The following CD160 variants were observed in gnomAD, a reference collection of about 807,000 sequenced individuals.
CD160 encodes the protein CD160 antigen.
A neutral mutation model predicts 19.2 loss-of-function variants in CD160; 11 were observed. The ratio of observed to expected loss-of-function variants is 0.57; its 90% CI spans 0.36 to 0.95. CD160 has a LOEUF of 0.95. Among genes scored for constraint, CD160 ranks in the 40% least tolerant of loss-of-function variants. The pLI, the probability that CD160 is intolerant of heterozygous loss-of-function variation, is 0.01. For missense variants in CD160, 182 were observed against 213.2 expected (o/e 0.85, Z 0.91); for synonymous variants, 75 against 81.1 (o/e 0.93, Z 0.40).
At chr1:145,730,520 A>G (rs1657245243) in intron 3 of CD160, among the ~76,000 whole-genome samples, 1 of 152,112 alleles carries the variant, frequency 6.6e-6, no homozygotes. Flanking sequence ...TAGTCCCTTA[A>G]TTTTCATTTT....
chr1:145,729,693 T>C (rs1553708851), intron 3 of CD160, among the ~76,000 whole-genome samples: 2 of 152,172 alleles, frequency 1.3e-5, no homozygotes, highest in Admixed American at 1.3e-4. Flanking sequence ...AGGTTACAGA[T>C]TACTTACAGG....
intron 3 of CD160, among the ~76,000 whole-genome samples, chr1:145,729,446 G>T (rs1487405267): frequency 6.6e-6 from 1 of 152,178 alleles, no homozygotes; most frequent in East Asian, 1.9e-4. Flanking sequence ...AACCGAGGTT[G>T]GGGTTTTGCG....
intron 5 of CD160, 47 bp downstream of exon 5, chr1:145,736,181 T>C: frequency 6.2e-7 from 1 of 1,613,436 alleles, no homozygotes; most frequent in South Asian, 1.1e-5. Context: ...AGGGTGCTAT[T>C]ATATTTCTGC....
In CD160 at chr1:145,738,710, C is replaced by A; in HGVS notation, c.*217C>A. ...CATCAGGGCAAACTTGCCTTCTTCC[C>A]TCCTAAGCTCCAGTAAATAAACAGA... On this transcript the variant is annotated 3_prime_UTR_variant, in exon 6 of 6. Transcript: ENST00000369288. 1 of 375,346 alleles carries A rather than the reference C, an allele frequency of 2.7e-6. No homozygotes were observed. 23.3% of individuals were successfully genotyped at this position (375,346 alleles called of 1,614,324 possible). A position where few individuals can be genotyped will look rare whatever the true frequency, so the allele number is the denominator to read the frequency against.
rs892687035 is a variant in CD160, at chr1:145,738,834, A to G, written c.*341A>G. On this transcript the variant is annotated 3_prime_UTR_variant, in exon 6 of 6. Coordinates refer to ENST00000369288, the MANE Select transcript of CD160 (RefSeq NM_007053.4). The stretch of plus-strand genomic sequence containing the variant: ...ACTTTTCCTCCCTCTTCATCAACAT[A>G]GTAAAATAAGTCAAACAAAATGAGA... 2 of 187,176 alleles carry G rather than the reference A, an allele frequency of 1.1e-5. No individual in the cohort carries two copies. The highest frequency in any genetic ancestry group is 4.7e-5 in the African/African-American group (2 of 42,954). 11.6% of individuals were successfully genotyped at this position (187,176 alleles called of 1,614,324 possible).
chr1:145,719,951 G>A (rs763123578), intron 1 of CD160, among the ~76,000 whole-genome samples: 1 of 152,212 alleles, frequency 6.6e-6, no homozygotes, highest in Admixed American at 6.5e-5. Context: ...GGTGGTTCAC[G>A]TCATGGACCT....
chr1:145,720,871 A>G (rs1351446168), intron 1 of CD160, among the ~76,000 whole-genome samples: 1 of 152,236 alleles, frequency 6.6e-6, no homozygotes, highest in East Asian at 1.9e-4. Context: ...ACAAGACTCC[A>G]GGACCGCCTC....
chr1:145,721,356 G>C (rs587676722), intron 1 of CD160, among the ~76,000 whole-genome samples: 1 of 152,240 alleles, frequency 6.6e-6, no homozygotes, highest in East Asian at 1.9e-4. Flanking sequence ...CGAAATCAGC[G>C]CCGCCGGCTC....
Position 145,728,168 on chromosome 1 carries a change from T to G in CD160, c.-72-88T>G, listed in dbSNP as rs1657127053. On this transcript the variant is annotated intron_variant, in intron 2 of 5. Transcript: ENST00000369288. ...AAGCCCTCCTCTACCTCCATCATAC[T>G]CTAGCCAATCAAAGCTAGAGCCTGG... 26 of 617,774 alleles carry G rather than the reference T, an allele frequency of 4.2e-5. No homozygotes were observed. The South Asian group carries it at 4.7e-4, about 11-fold the overall frequency. The allele number at this position is 617,774 out of a possible 1,614,324, so 38.3% of individuals were successfully genotyped here. A position where few individuals can be genotyped will look rare whatever the true frequency, so the allele number is the denominator to read the frequency against.
At chr1:145,730,707 A>G (rs1657251925) in intron 3 of CD160, 37 bp from the exon 4 acceptor site, 1 of 1,556,048 alleles carries the variant, frequency 6.4e-7, no homozygotes, top group African/African-American at 1.4e-5. Context: ...ACAGAATGCT[A>G]CCTGACCTCT....
intron 3 of CD160, among the ~76,000 whole-genome samples, chr1:145,729,628 C>T (rs1256874406): frequency 6.6e-6 from 1 of 152,126 alleles, no homozygotes; most frequent in Non-Finnish European, 1.5e-5. Context: ...TCAGAGACAC[C>T]CATCGAGCCA....
chr1:145,722,699 C>T (rs1178990933), intron 1 of CD160, among the ~76,000 whole-genome samples: 3 of 152,202 alleles, frequency 2.0e-5, no homozygotes, highest in Non-Finnish European at 4.4e-5. Context: ...TCACGCCATT[C>T]TCCTGCCTCA....
In CD160 at chr1:145,728,268, A is replaced by G. The variant is rs1435854053; in HGVS notation, c.-60A>G. 3.8e-6 allele frequency: 5 copies of G among 1,308,314 alleles called. No individual in the cohort carries two copies. Among genetic ancestry groups the G allele is most frequent in the African/African-American group, 1.4e-5 (1 of 69,176 alleles). 81.0% of individuals were successfully genotyped at this position (1,308,314 alleles called of 1,614,324 possible). A position where few individuals can be genotyped will look rare whatever the true frequency, so the allele number is the denominator to read the frequency against. Reference sequence around the variant, plus strand: ...CCTGTGCTTTTAGGAGACTGAAGCCAAGGATACCAGCAGAGCCAACATTTG... The same window carrying G: ...CCTGTGCTTTTAGGAGACTGAAGCCGAGGATACCAGCAGAGCCAACATTTG... On this transcript the variant is annotated 5_prime_UTR_variant, in exon 3 of 6. Coordinates refer to ENST00000369288, the MANE Select transcript of CD160 (RefSeq NM_007053.4).
intron 4 of CD160, among the ~76,000 whole-genome samples, chr1:145,732,626 C>T (rs1393006332): frequency 6.6e-6 from 1 of 152,010 alleles, no homozygotes. Context: ...ATGGAATCGA[C>T]ATATCATCTT....
chr1:145,725,013 C>T (rs1299256262), intron 2 of CD160, 107 bp downstream of exon 2: 2 of 152,072 alleles, frequency 1.3e-5, no homozygotes, highest in East Asian at 1.9e-4. Flanking sequence ...ATCCTCCCAC[C>T]TCGGCCTCCC....
In CD160 at chr1:145,721,579, C is replaced by T. The variant is rs1430793228; in HGVS notation, c.-179+2020C>T. ...GCTGCATCAGCCCCTCCCGCCTGTCCTCTCTCTCCTTGGAAGCGGTCCCTA... is the reference window on the plus strand; with the variant it reads ...GCTGCATCAGCCCCTCCCGCCTGTCTTCTCTCTCCTTGGAAGCGGTCCCTA... On this transcript the variant is annotated intron_variant, in intron 1 of 5. Coordinates refer to ENST00000369288, the MANE Select transcript of CD160 (RefSeq NM_007053.4). Among the ~76,000 whole-genome samples the T allele has an allele frequency of 2.0e-5, 3 of 152,070 alleles. No homozygotes were observed. In the East Asian group the frequency reaches 5.8e-4, roughly 30 times the overall value.
intron 1 of CD160, among the ~76,000 whole-genome samples, chr1:145,721,375 C>A (rs905433743): frequency 2.4e-4 from 37 of 152,284 alleles, no homozygotes; most frequent in Admixed American, 3.3e-4. Context: ...TCCGCGCTGC[C>A]CCGCCTGCAT....
Position 145,738,785 on chromosome 1 carries a change from T to C in CD160, c.*292T>C, listed in dbSNP as rs1447792267. On this transcript the variant is annotated 3_prime_UTR_variant, in exon 6 of 6. Transcript: ENST00000369288. Reference sequence around the variant, plus strand: ...ATAGTCCTCAAATATCGGATAAATATATGCGTTTTTGTACCCCAGAAAAAC... The same window carrying C: ...ATAGTCCTCAAATATCGGATAAATACATGCGTTTTTGTACCCCAGAAAAAC... The C allele has an allele frequency of 5.2e-5, 14 of 270,740 alleles. No homozygotes were observed. Among genetic ancestry groups the C allele is most frequent in the African/African-American group, 2.8e-4 (13 of 45,642 alleles). 16.8% of individuals were successfully genotyped at this position (270,740 alleles called of 1,614,324 possible).
chr1:145,730,717 T>C, intron 3 of CD160, 27 bp from the exon 4 acceptor site: 1 of 1,588,574 alleles, frequency 6.3e-7, no homozygotes, highest in Non-Finnish European at 8.6e-7. Flanking sequence ...ACCTGACCTC[T>C]GGGTAATTCT....
Sources: gnomAD v4.1 joint callset for allele counts (sites outside exome capture counted in the v4.1 genomes callset) on GRCh38, gnomAD v4.1.1 for gene constraint, MANE v1.5 for transcripts, NCBI Gene and HGNC (gene_info 2026-07-23, HGNC 2026-07-21) for gene names.